Variants in OR6N1 observed in about 807,000 individuals in gnomAD.
The protein encoded by OR6N1 is olfactory receptor family 6 subfamily N member 1.
For missense variants in OR6N1, 394 were observed against 371.7 expected (o/e 1.06, Z -0.49); for synonymous variants, 170 against 150.7 (o/e 1.13, Z -0.94).
chr1:158,810,964 A>G, the OR6N1 span, among the ~76,000 whole-genome samples: 4 of 152,030 alleles, frequency 2.6e-5, no homozygotes, highest in Non-Finnish European at 4.4e-5. Flanking sequence ...TTCATTGTAC[A>G]TATTATTTTA....
intron 1 of OR6N1, among the ~76,000 whole-genome samples, chr1:158,767,528 T>C (rs1043620607): frequency 1.1e-4 from 17 of 152,224 alleles, no homozygotes; most frequent in African/African-American, 4.1e-4. Context: ...TTGATTATTT[T>C]CAGTACTCTG....
At chr1:158,797,269 G>C in the OR6N1 span, among the ~76,000 whole-genome samples, 2 of 152,192 alleles carry the variant, frequency 1.3e-5, no homozygotes, top group Non-Finnish European at 2.9e-5. Context: ...GGAAACCCAA[G>C]ATGTTGAGAA....
the OR6N1 span, chr1:158,777,220 G>A: frequency 1.2e-6 from 2 of 1,614,020 alleles, no homozygotes; most frequent in African/African-American, 2.7e-5. Flanking sequence ...GGCACAGAGT[G>A]TGGTGGTCAT....
the OR6N1 span, chr1:158,777,418 T>C: frequency 1.2e-6 from 2 of 1,614,134 alleles, no homozygotes; most frequent in Non-Finnish European, 1.7e-6. Context: ...GGTAGCTGTA[T>C]ACCACAACTC....
At chr1:158,791,190 TA>T in the OR6N1 span, among the ~76,000 whole-genome samples, 2 of 152,212 alleles carry the variant, frequency 1.3e-5, no homozygotes, top group Non-Finnish European at 2.9e-5. Flanking sequence ...AGGATTTTTT[TA>T]AAAATTGCCC....
the OR6N1 span, among the ~76,000 whole-genome samples, chr1:158,820,909 T>C: frequency 1.3e-5 from 2 of 152,198 alleles, no homozygotes; most frequent in South Asian, 4.1e-4. Flanking sequence ...CTTCAGAAGT[T>C]ATTGGGAAGA....
the OR6N1 span, among the ~76,000 whole-genome samples, chr1:158,818,545 T>C: frequency 6.6e-6 from 1 of 152,062 alleles, no homozygotes; most frequent in South Asian, 2.1e-4. Flanking sequence ...CACTCTAAAA[T>C]ATGAAAGAGC....
rs751408400 is a variant in OR6N1 at position 158,766,668 on chromosome 1, G to T, written c.15C>A (p.Asn5Lys). The T allele has an allele frequency of 3.8e-5, 61 of 1,609,744 alleles. No individual in the cohort carries two copies. In the East Asian group the frequency reaches 1.2e-3, roughly 33 times the overall value. ...TGATGAATTCTGCTACCTGGCTCCA[G>T]TTCCCTGTGTCCATTGCTCACCATT... Reference protein sequence around the residue: MDTGNWSQVAEFIIL... With the variant: MDTGKWSQVAEFIIL... Residue 5 changes from asparagine to lysine, a missense_variant, in exon 2 of 2, where the codon AAC becomes AAA. Physicochemically the swap from Asn to Lys is moderately conservative, Grantham distance 94. Transcript: ENST00000641846.
chr1:158,826,829 T>C, the OR6N1 span, among the ~76,000 whole-genome samples: 1 of 152,132 alleles, frequency 6.6e-6, no homozygotes, highest in South Asian at 2.1e-4. Context: ...TAACATTATG[T>C]GTTAGAGATA....
the OR6N1 span, among the ~76,000 whole-genome samples, chr1:158,818,240 C>A: frequency 6.6e-6 from 1 of 152,206 alleles, no homozygotes; most frequent in Non-Finnish European, 1.5e-5. Context: ...AGACACATAG[C>A]CTTTCTGAGC....
the OR6N1 span, among the ~76,000 whole-genome samples, chr1:158,815,458 G>A: frequency 6.6e-6 from 1 of 152,090 alleles, no homozygotes; most frequent in African/African-American, 2.4e-5. Flanking sequence ...GAAAGGGTAA[G>A]AAGAAAAGTA....
chr1:158,770,409 C>A (rs897442138), intron 1 of OR6N1, among the ~76,000 whole-genome samples: 1 of 152,106 alleles, frequency 6.6e-6, no homozygotes, highest in African/African-American at 2.4e-5. Context: ...AGGTTTGGAC[C>A]ATTTCCTTCT....
chr1:158,797,212 AC>A, the OR6N1 span, among the ~76,000 whole-genome samples: 1 of 152,202 alleles, frequency 6.6e-6, no homozygotes, highest in East Asian at 1.9e-4. Flanking sequence ...CCATTCAAGT[AC>A]TTGTGCACCT....
At chr1:158,833,266 G>C in the OR6N1 span, among the ~76,000 whole-genome samples, 2 of 152,226 alleles carry the variant, frequency 1.3e-5, no homozygotes, top group African/African-American at 4.8e-5. Flanking sequence ...TGTGGGTATG[G>C]ATATTTTCAC....
chr1:158,776,733 GA>G, upstream of OR6N1: 1 of 1,613,540 alleles, frequency 6.2e-7, no homozygotes, highest in South Asian at 1.1e-5. Context: ...TGGTCCTCTT[GA>G]TAGCTTTAAT....
At chr1:158,805,041 T>C in the OR6N1 span, among the ~76,000 whole-genome samples, 6 of 152,226 alleles carry the variant, frequency 3.9e-5, no homozygotes, top group Admixed American at 2.6e-4. Flanking sequence ...GAGATATTAT[T>C]TATTGAAGCA....
At chr1:158,777,840 T>C in the OR6N1 span, among the ~76,000 whole-genome samples, 5 of 152,382 alleles carry the variant, frequency 3.3e-5, no homozygotes, top group East Asian at 7.7e-4. Flanking sequence ...TTTTTACAAG[T>C]GTCTTGCATT....
the OR6N1 span, among the ~76,000 whole-genome samples, chr1:158,786,892 G>A: frequency 6.6e-6 from 1 of 152,142 alleles, no homozygotes; most frequent in African/African-American, 2.4e-5. Flanking sequence ...TGGGTATGGT[G>A]CACACTGCTC....
At chr1:158,820,935 A>G in the OR6N1 span, among the ~76,000 whole-genome samples, 2 of 152,228 alleles carry the variant, frequency 1.3e-5, no homozygotes, top group Non-Finnish European at 1.5e-5. Context: ...GGGATATGAA[A>G]AAGAACTGTG....
Sources: allele counts gnomAD v4.1 joint callset (sites outside exome capture counted in the v4.1 genomes callset), GRCh38; gene constraint gnomAD v4.1.1; transcripts MANE v1.5; gene names NCBI Gene and HGNC (gene_info 2026-07-23, HGNC 2026-07-21).